CHODL: variants seen among roughly 807,000 people sequenced by gnomAD.
CHODL encodes the protein chondrolectin, also known as transmembrane protein MT75.
A neutral mutation model predicts 34.5 loss-of-function variants in CHODL; 29 were observed. The observed-to-expected ratio is 0.84, with a 90% CI of 0.63 to 1.15. The LOEUF (loss-of-function observed/expected upper bound fraction) is 1.15. CHODL is among the 50% of genes most tolerant of loss of function. The probability of loss-of-function intolerance (pLI) is 0.00; values close to 1 mark genes in which losing one functional copy is unlikely to be tolerated. For missense variants in CHODL, 332 were observed against 332.5 expected (o/e 1.00, Z 0.01); for synonymous variants, 125 against 116.1 (o/e 1.08, Z -0.49).
chr21:18,028,862 GAT>G (rs771861067), intron 2 of CHODL, among the ~76,000 whole-genome samples: 2 of 152,070 alleles, frequency 1.3e-5, no homozygotes, highest in Non-Finnish European at 2.9e-5. Flanking sequence ...TTCATAGACA[GAT>G]ATATGTTTTG....
intron 2 of CHODL, among the ~76,000 whole-genome samples, chr21:18,201,800 CT>C (rs547855975): frequency 1.9e-3 from 215 of 114,398 alleles, no homozygotes; most frequent in Middle Eastern, 5.7e-3. Flanking sequence ...TTTTTAAAAA[CT>C]TTTTTTTTTT....
At chr21:18,240,258 A>C (rs938486930), upstream of CHODL, among the ~76,000 whole-genome samples, 11 of 151,892 alleles carry the variant, frequency 7.2e-5, no homozygotes, top group African/African-American at 2.7e-4. Flanking sequence ...GCATATATGC[A>C]AATAACATAT....
At chr21:18,185,780 G>C (rs2073433409) in intron 2 of CHODL, among the ~76,000 whole-genome samples, 1 of 152,140 alleles carries the variant, frequency 6.6e-6, no homozygotes, top group Non-Finnish European at 1.5e-5. Flanking sequence ...AACAGATTTG[G>C]TGTCTGGTGA....
intron 2 of CHODL, among the ~76,000 whole-genome samples, chr21:18,212,333 T>A (rs2073782678): frequency 6.6e-6 from 1 of 152,152 alleles, no homozygotes; most frequent in Non-Finnish European, 1.5e-5. Flanking sequence ...TGGTTTTAGA[T>A]ACAAGTATTG....
intron 2 of CHODL, among the ~76,000 whole-genome samples, chr21:18,117,516 A>C (rs1188188631): frequency 1.3e-5 from 2 of 152,126 alleles, no homozygotes; most frequent in Non-Finnish European, 2.9e-5. Flanking sequence ...TGTCTGCTTC[A>C]ATTCTGTCCT....
chr21:17,933,629 G>A (rs1402750295), intron 1 of CHODL, among the ~76,000 whole-genome samples: 1 of 151,786 alleles, frequency 6.6e-6, no homozygotes, highest in Non-Finnish European at 1.5e-5. Context: ...AGACTCCTAT[G>A]TCTACTTCTT....
intron 2 of CHODL, among the ~76,000 whole-genome samples, chr21:18,173,794 G>A (rs1046937652): frequency 6.6e-6 from 1 of 151,682 alleles, no homozygotes; most frequent in Admixed American, 6.6e-5. Flanking sequence ...TTTTCTCAGA[G>A]TGTTTTATAT....
intron 2 of CHODL, among the ~76,000 whole-genome samples, chr21:18,221,977 G>T (rs999795610): frequency 2.6e-4 from 40 of 152,306 alleles, no homozygotes; most frequent in African/African-American, 8.4e-4. Flanking sequence ...TTGGCAGTGG[G>T]GGAGTGGGGT....
intron 1 of CHODL, among the ~76,000 whole-genome samples, chr21:17,944,614 T>C (rs960303101): frequency 6.6e-6 from 1 of 152,080 alleles, no homozygotes; most frequent in African/African-American, 2.4e-5. Flanking sequence ...TTCCAAATAG[T>C]GGAAATGCCC....
At chr21:18,096,685 A>G (rs1022397611) in intron 2 of CHODL, among the ~76,000 whole-genome samples, 1 of 152,138 alleles carries the variant, frequency 6.6e-6, no homozygotes, top group African/African-American at 2.4e-5. Context: ...ATCAGTGACA[A>G]TGCTTGCCCA....
intron 1 of CHODL, among the ~76,000 whole-genome samples, chr21:18,026,402 A>G (rs1427598266): frequency 6.6e-6 from 1 of 150,882 alleles, no homozygotes; most frequent in East Asian, 2.0e-4. Flanking sequence ...AATAAAAAGC[A>G]CATCAACTGT....
At chr21:18,243,812 G>T (rs1361271095), upstream of CHODL, among the ~76,000 whole-genome samples, 1 of 152,144 alleles carries the variant, frequency 6.6e-6, no homozygotes, top group African/African-American at 2.4e-5. Context: ...TCCAACAGAT[G>T]CTTACAGTGT....
At chr21:18,040,813 A>AG (rs1463392146) in intron 2 of CHODL, among the ~76,000 whole-genome samples, 1 of 151,782 alleles carries the variant, frequency 6.6e-6, no homozygotes, top group Non-Finnish European at 1.5e-5. Context: ...CAGGTGGTAA[A>AG]AAAATCAGAT....
chr21:18,083,559 G>T (rs1275828890), intron 2 of CHODL, among the ~76,000 whole-genome samples: 1 of 152,194 alleles, frequency 6.6e-6, no homozygotes, highest in Admixed American at 6.5e-5. Flanking sequence ...CAGCCAGGAG[G>T]GGGGCTGTAC....
At chr21:18,171,409 T>A (rs564355584) in intron 2 of CHODL, among the ~76,000 whole-genome samples, 1 of 150,580 alleles carries the variant, frequency 6.6e-6, no homozygotes, top group Non-Finnish European at 1.5e-5. Context: ...GGGTTTCACC[T>A]TGTTAGCCAG....
intron 2 of CHODL, among the ~76,000 whole-genome samples, chr21:18,156,856 G>A (rs1176953655): frequency 6.6e-6 from 1 of 152,160 alleles, no homozygotes. Flanking sequence ...ATAGCTAGGA[G>A]GGAAGTCTGG....
At chr21:17,985,696 C>G (rs988915889) in intron 1 of CHODL, among the ~76,000 whole-genome samples, 1 of 152,196 alleles carries the variant, frequency 6.6e-6, no homozygotes, top group Non-Finnish European at 1.5e-5. Context: ...TACATTCCAC[C>G]ATTACGGGTC....
rs1964430196 is a variant in CHODL, at chr21:18,260,220, G to T, written c.568G>T (p.Val190Leu). 6.3e-6 allele frequency: 10 copies of T among 1,576,730 alleles called. No homozygotes were observed. In the East Asian group the frequency reaches 2.4e-4, roughly 37 times the overall value. Reference protein sequence around the residue: ...YEPEINPTAPVEKPYLTNQPG... With the variant: ...YEPEINPTAPLEKPYLTNQPG... ...TACAGAGATTAATCCAACAGCCCCT[G>T]TAGAAAAGCCTTATCTTACAAATCA... Residue 190 changes from valine (V) to leucine (L), a missense_variant, in exon 4 of 6, where the codon GTA becomes TTA. Transcript: ENST00000299295.
At chr21:18,069,669 TA>T (rs2064772584) in intron 2 of CHODL, among the ~76,000 whole-genome samples, 1 of 152,140 alleles carries the variant, frequency 6.6e-6, no homozygotes, top group Non-Finnish European at 1.5e-5. Context: ...GTTGACTTAG[TA>T]CATTGTGCAA....
Sources: allele counts gnomAD v4.1 joint callset (sites outside exome capture counted in the v4.1 genomes callset), GRCh38; gene constraint gnomAD v4.1.1; transcripts MANE v1.5; gene names NCBI Gene and HGNC (gene_info 2026-07-23, HGNC 2026-07-21).